SSC5D: variants seen among roughly 807,000 people sequenced by gnomAD.
The protein encoded by SSC5D is soluble scavenger receptor cysteine-rich domain-containing protein SSC5D.
In SSC5D, 106 loss-of-function variants were observed where a neutral mutation model predicts 104.6. The observed-to-expected ratio is 1.01, with a 90% confidence interval of 0.87 to 1.19. The LOEUF (loss-of-function observed/expected upper bound fraction) is 1.19, where lower values mean the gene tolerates loss of function less well. Ranked by LOEUF, SSC5D falls within the 50% of genes most tolerant of loss-of-function variation. The probability of loss-of-function intolerance (pLI) is 0.00; values close to 1 mark genes in which losing one functional copy is unlikely to be tolerated. For missense variants in SSC5D, 1,993 were observed against 2,153.8 expected, an observed-to-expected ratio of 0.93 and a Z score of 1.48; for synonymous variants, 860 against 883.5, an observed-to-expected ratio of 0.97 and a Z score of 0.47.
intron 4 of SSC5D, 50 bp from the exon 5 acceptor site, chr19:55,490,248 A>G (rs530641787): frequency 1.2e-4 from 82 of 675,356 alleles, no homozygotes; most frequent in African/African-American, 1.0e-3. Flanking sequence ...CCCAGGTGGG[A>G]GGAAGGATGA....
At chr19:55,490,169 C>T (rs913353245) in intron 4 of SSC5D, 129 bp from the exon 5 acceptor site, 7 of 613,016 alleles carry the variant, frequency 1.1e-5, no homozygotes, top group Admixed American at 2.8e-5. Context: ...CCCCCTGCCC[C>T]GCCCCGTCTC....
chr19:55,510,859 A>C (rs983792364), intron 12 of SSC5D, among the ~76,000 whole-genome samples: 1 of 148,050 alleles, frequency 6.8e-6, no homozygotes, highest in Non-Finnish European at 1.5e-5. Context: ...GCTCACTGCA[A>C]CCTCTCCTTC....
At chr19:55,493,544 C>A in intron 6 of SSC5D, 51 bp from the exon 7 acceptor site, 11 of 1,384,998 alleles carry the variant, frequency 7.9e-6, no homozygotes, top group Non-Finnish European at 1.0e-5. Context: ...GCTTAGTCCC[C>A]GCTCATCCAC....
At chr19:55,512,775 G>A (rs34933848) in intron 12 of SSC5D, among the ~76,000 whole-genome samples, 35,661 of 152,046 alleles carry the variant, frequency 0.23, 4,475 homozygotes, top group East Asian at 0.34. Context: ...GAGCCACGGC[G>A]CCAGGCCCAA....
At chr19:55,498,425 A>G (rs749561394) in intron 9 of SSC5D, among the ~76,000 whole-genome samples, 1 of 152,218 alleles carries the variant, frequency 6.6e-6, no homozygotes, top group Non-Finnish European at 1.5e-5. Context: ...TAACTTGCTC[A>G]AGATCACACA....
intron 4 of SSC5D, 56 bp downstream of exon 4, chr19:55,490,051 C>G (rs1452037671): frequency 1.9e-6 from 2 of 1,037,392 alleles, no homozygotes; most frequent in East Asian, 7.4e-5. Context: ...CCTGCCCCCC[C>G]CGAGGGGAGA....
chr19:55,500,263 C>G lies in SSC5D; in HGVS notation c.2153C>G (p.Thr718Ser), dbSNP rs760790249. 1 of 1,551,444 alleles carries G rather than the reference C, an allele frequency of 6.4e-7. No individual in the cohort carries two copies. Residue 718 changes from threonine to serine, a missense_variant, in exon 10 of 14, where the codon ACT (threonine) becomes AGT (serine). Physicochemically the swap from Thr to Ser is moderately conservative, Grantham distance 58. Transcript: ENST00000389623. The surrounding 1 kb of genome is among the most constrained non-coding windows in gnomAD (Gnocchi z 4.6). Reference sequence around the variant, plus strand: ...ACTAAGACCATGGCAATGCTGACCACTCAAGGCCCCCAAGAAATGACCTCT... The same window carrying G: ...ACTAAGACCATGGCAATGCTGACCAGTCAAGGCCCCCAAGAAATGACCTCT... The part of the protein sequence containing the change: ...RTTKTMAMLT[T>S]QGPQEMTSES...
chr19:55,489,725 G>A, intron 3 of SSC5D, 63 bp downstream of exon 3: 1 of 1,512,246 alleles, frequency 6.6e-7, no homozygotes, highest in South Asian at 1.2e-5. Flanking sequence ...GGAACCCCAA[G>A]TCCTTAGCCC....
At position 55,501,011 on chromosome 19, in the gene SSC5D, C is replaced by T. The variant is rs781367380; in HGVS notation, c.2618-23C>T. ...CCTCTGAGAAAGAGGATGGGGTCAA[C>T]CATTACCCCAATTTCTCCAAAGGCT... On this transcript the variant is annotated intron_variant, in intron 11 of 13. Transcript: ENST00000389623. The T allele has an allele frequency of 4.5e-6, 7 of 1,550,846 alleles. No individual in the cohort carries two copies. The East Asian group carries it at 7.3e-5, about 16-fold the overall frequency.
At chr19:55,499,761 T>G in intron 9 of SSC5D, 55 bp from the exon 10 acceptor site, 206 of 1,396,230 alleles carry the variant, frequency 1.5e-4, no homozygotes, top group Non-Finnish European at 1.9e-4. Flanking sequence ...CCTGGGTAGA[T>G]GATCTTGTCA....
At chr19:55,512,920 C>T in intron 12 of SSC5D, 91 bp from the exon 13 acceptor site, 2 of 1,490,476 alleles carry the variant, frequency 1.3e-6, no homozygotes, top group Non-Finnish European at 9.2e-7. Flanking sequence ...GGGATGATGC[C>T]TGAACTGGGG....
rs1220801517 is a variant in SSC5D at position 55,503,401 on chromosome 19, C to T, written c.2785+2200C>T. 6.6e-6 allele frequency among the ~76,000 whole-genome samples: 1 copy of T among 152,132 alleles called. No homozygotes were observed. The highest frequency in any genetic ancestry group is 1.5e-5 in the Non-Finnish European group (1 of 68,026). ...CTCCCCAGGCCCAGCGCTGTGGTAT[C>T]TTTTCCTTTGTCTCTTACGGTTGTT... On this transcript the variant is annotated intron_variant, in intron 12 of 13. Coordinates refer to ENST00000389623, the MANE Select transcript of SSC5D (RefSeq NM_001144950.2). This position sits in a 1 kb window ranked among gnomAD's most constrained non-coding sequence, Gnocchi z 4.0.
Position 55,501,162 on chromosome 19 carries a change from G to C in SSC5D, c.2746G>C (p.Gly916Arg). The part of the protein sequence containing the change: ...TLPWRTTRRP[G>R]SSSPAIRRLP... ...CCCCTGGAGGACCACCCGGCGCCCG[G>C]GTAGCTCCTCCCCAGCAATAAGGCG... Residue 916 changes from glycine to arginine, a missense_variant, in exon 12 of 14, where the codon GGT becomes CGT. Around this residue, in one of 6 missense-constraint regions of SSC5D, gnomAD observed 423 missense variants for 409.2 expected, o/e 1.03. Coordinates refer to ENST00000389623, the MANE Select transcript of SSC5D (RefSeq NM_001144950.2). The C allele has an allele frequency of 6.5e-7, 1 of 1,546,312 alleles. No homozygotes were observed. The highest frequency in any genetic ancestry group is 8.7e-7 in the Non-Finnish European group (1 of 1,144,754).
chr19:55,493,129 T>C (rs1370758972), intron 6 of SSC5D, among the ~76,000 whole-genome samples: 1 of 152,206 alleles, frequency 6.6e-6, no homozygotes, highest in Non-Finnish European at 1.5e-5. Context: ...AGTGAGGGCT[T>C]TCTCATCCCC....
Position 55,500,776 on chromosome 19 carries a change from C to T in SSC5D, c.2589C>T (p.His863=), listed in dbSNP as rs989356505. ...CTTGGGGGAAGCACAACTGTGACCA[C>T]GAGGAAGACGTGGGGCTCACCTGCA... ...SGAWGKHNCD[H]EEDVGLTCTG... is the part of the protein sequence containing the mutation. Residue 863 remains histidine, a synonymous_variant, in exon 11 of 14, where the codon CAC becomes CAT. Coordinates refer to ENST00000389623, the MANE Select transcript of SSC5D (RefSeq NM_001144950.2). The surrounding 1 kb of genome is among the most constrained non-coding windows in gnomAD (Gnocchi z 4.6). 99 of 1,550,472 alleles carry T rather than the reference C, an allele frequency of 6.4e-5. No individual in the cohort carries two copies. The highest frequency in any genetic ancestry group is 7.9e-5 in the Non-Finnish European group (90 of 1,146,312).
intron 12 of SSC5D, among the ~76,000 whole-genome samples, chr19:55,507,499 T>C (rs1987660539): frequency 1.3e-5 from 2 of 150,584 alleles, no homozygotes; most frequent in South Asian, 4.2e-4. Flanking sequence ...ATCCCGTCTC[T>C]ACTAAAAATG....
At chr19:55,509,869 AAAAG>A (rs1987717317) in intron 12 of SSC5D, among the ~76,000 whole-genome samples, 1 of 22,188 alleles carries the variant, frequency 4.5e-5, no homozygotes. Context: ...AAAAAAAAAA[AAAAG>A]AGAAAAAGAA....
Position 55,517,639 on chromosome 19 carries a change from T to C in SSC5D, c.3363T>C (p.Ser1121=), listed in dbSNP as rs1193952273. 3 of 1,551,560 alleles carry C rather than the reference T, an allele frequency of 1.9e-6. No individual in the cohort carries two copies. Among genetic ancestry groups the C allele is most frequent in the Non-Finnish European group, 8.7e-7 (1 of 1,147,024 alleles). The change falls in exon 14 of 14, where the codon TCT becomes TCC. Residue 1121 remains serine, a synonymous_variant. Transcript: ENST00000389623. The part of the protein sequence containing the change: ...LSPTSEQVPE[S]DTTPDLDTTP... ...CTACCTCAGAGCAGGTCCCAGAATC[T>C]GACACAACCCCAGATTTGGACACAA...
In SSC5D at chr19:55,493,691, A is replaced by T; in HGVS notation, c.992A>T (p.Asp331Val). 2 of 1,508,296 alleles carry T rather than the reference A, an allele frequency of 1.3e-6. No individual in the cohort carries two copies. The highest frequency in any genetic ancestry group is 1.8e-6 in the Non-Finnish European group (2 of 1,134,402). 93.4% of individuals were successfully genotyped at this position (1,508,296 alleles called of 1,614,324 possible). ...HGGRWGSVCDDAWDLRDAAVA... is the reference protein window; with the variant it reads ...HGGRWGSVCDVAWDLRDAAVA... The stretch of plus-strand genomic sequence containing the variant: ...GGTCGCTGGGGGTCGGTGTGTGACG[A>T]CGCCTGGGACCTGCGAGACGCCGCT... Residue 331 changes from aspartate (D) to valine (V), a missense_variant, in exon 7 of 14, where the codon GAC becomes GTC. Asp to Val is a radical substitution (Grantham distance 152, BLOSUM62 -3). Coordinates refer to ENST00000389623, the MANE Select transcript of SSC5D (RefSeq NM_001144950.2).
Sources: allele counts gnomAD v4.1 joint callset (sites outside exome capture counted in the v4.1 genomes callset), GRCh38; gene constraint gnomAD v4.1.1; regional missense constraint gnomAD v4.1.1; non-coding constraint Gnocchi (gnomAD v3.1); transcripts MANE v1.5; gene names NCBI Gene and HGNC (gene_info 2026-07-23, HGNC 2026-07-21).